Variants in PLA2G5 observed in about 807,000 individuals in gnomAD.
PLA2G5 encodes phospholipase A2 group V.
In PLA2G5, 12 loss-of-function variants were observed where a neutral mutation model predicts 15.9. That is an observed-to-expected ratio of 0.76 (90% CI 0.48 to 1.23). The LOEUF (loss-of-function observed/expected upper bound fraction) is 1.23. Among genes scored for constraint, PLA2G5 ranks in the 50% most tolerant of loss-of-function variants. PLA2G5 has a pLI of 0.00. For synonymous variants in PLA2G5, 71 were observed against 71.4 expected (o/e 0.99, Z 0.03); for missense variants, 169 against 177.1 (o/e 0.95, Z 0.26).
chr1:20,029,764 G>C (rs749317727), intron 1 of PLA2G5, among the ~76,000 whole-genome samples: 4 of 152,212 alleles, frequency 2.6e-5, no homozygotes, highest in Non-Finnish European at 5.9e-5. Flanking sequence ...GTGCGGAGGA[G>C]GAGGAAATAG....
intron 1 of PLA2G5, among the ~76,000 whole-genome samples, chr1:20,037,645 T>C (rs1185305384): frequency 6.6e-6 from 1 of 152,184 alleles, no homozygotes; most frequent in Non-Finnish European, 1.5e-5. Context: ...AGCAGGGTTG[T>C]TCTGTTATGA....
At chr1:20,042,226 T>G (rs1053420503) in intron 1 of PLA2G5, among the ~76,000 whole-genome samples, 64 of 152,158 alleles carry the variant, frequency 4.2e-4, no homozygotes, top group African/African-American at 1.5e-3. Context: ...TGAAAGATAC[T>G]ATAGCATAAC....
At position 20,047,730 on chromosome 1, in the gene PLA2G5, G is replaced by A. The variant is rs1402878675; in HGVS notation, n.277-11902G>A. Among the ~76,000 whole-genome samples, 6 of 150,074 alleles carry A rather than the reference G, an allele frequency of 4.0e-5. No homozygotes were observed. The Admixed American group carries it at 4.0e-4, about 10-fold the overall frequency. On this transcript the variant is annotated intron_variant and non_coding_transcript_variant, in intron 1 of 6. Transcript: ENST00000460175. ...AGCTATAGGATCTTTGTGTGTGTGT[G>A]TGTGTGTGTGTGTGTGTGTGTGTGT... is the stretch of plus-strand genomic sequence containing the variant.
intron 1 of PLA2G5, among the ~76,000 whole-genome samples, chr1:20,035,819 T>C (rs1210117295): frequency 6.6e-6 from 1 of 152,212 alleles, no homozygotes; most frequent in Non-Finnish European, 1.5e-5. Context: ...ATTGTGTTAC[T>C]GTTTTATAGG....
chr1:20,040,958 A>T (rs560924724), intron 1 of PLA2G5, among the ~76,000 whole-genome samples: 1 of 152,178 alleles, frequency 6.6e-6, no homozygotes, highest in East Asian at 1.9e-4. Context: ...TTCATCTTAC[A>T]TGTGTTGATT....
intron 1 of PLA2G5, among the ~76,000 whole-genome samples, chr1:20,031,270 G>A (rs1450669839): frequency 6.6e-6 from 1 of 152,196 alleles, no homozygotes; most frequent in South Asian, 2.1e-4. Context: ...AGCTGGATTT[G>A]TGTGGACAAA....
chr1:20,090,277 C>T (rs1423449370), intron 4 of PLA2G5, among the ~76,000 whole-genome samples: 1 of 152,142 alleles, frequency 6.6e-6, no homozygotes, highest in East Asian at 1.9e-4. Context: ...AATGAGAGTT[C>T]CTCCAGAGCA....
chr1:20,089,241 G>A (rs2016443822), intron 3 of PLA2G5, among the ~76,000 whole-genome samples: 2 of 152,188 alleles, frequency 1.3e-5, no homozygotes, highest in South Asian at 4.1e-4. Flanking sequence ...CAAGAAAATA[G>A]GCCTGCTTAC....
At chr1:20,066,921 T>C (rs1157727869), upstream of PLA2G5, among the ~76,000 whole-genome samples, 2 of 152,146 alleles carry the variant, frequency 1.3e-5, no homozygotes, top group African/African-American at 2.4e-5. Context: ...TGGCAGGATC[T>C]TTTGAGCTGA....
At chr1:20,062,937 G>C (rs1407846567) in intron 2 of PLA2G5, among the ~76,000 whole-genome samples, 1 of 152,170 alleles carries the variant, frequency 6.6e-6, no homozygotes, top group Non-Finnish European at 1.5e-5. Context: ...ATCTCTGAGA[G>C]ATCTGTGGCC....
At chr1:20,079,885 C>T (rs2015910630) in intron 1 of PLA2G5, among the ~76,000 whole-genome samples, 1 of 152,118 alleles carries the variant, frequency 6.6e-6, no homozygotes, top group Non-Finnish European at 1.5e-5. Flanking sequence ...AGCACAGAGT[C>T]AGGTGCCAAA....
intron 1 of PLA2G5, among the ~76,000 whole-genome samples, chr1:20,029,467 T>C (rs971607672): frequency 2.6e-5 from 4 of 152,186 alleles, no homozygotes; most frequent in Non-Finnish European, 4.4e-5. Flanking sequence ...CTGCTCCTCT[T>C]GACGTGCAGC....
chr1:20,077,034 A>G (rs1227142817), intron 1 of PLA2G5: 1 of 152,266 alleles, frequency 6.6e-6, no homozygotes, highest in Non-Finnish European at 1.5e-5. Context: ...GCGAGCCTGC[A>G]TGTGATAGAC....
intron 1 of PLA2G5, among the ~76,000 whole-genome samples, chr1:20,038,610 C>A (rs1350513219): frequency 6.6e-6 from 1 of 152,074 alleles, no homozygotes; most frequent in Non-Finnish European, 1.5e-5. Flanking sequence ...TAACAAGACC[C>A]CATCTCTACA....
At chr1:20,050,282 A>C (rs2014119296) in intron 1 of PLA2G5, among the ~76,000 whole-genome samples, 1 of 152,210 alleles carries the variant, frequency 6.6e-6, no homozygotes, top group South Asian at 2.1e-4. Flanking sequence ...TTAAAGCCTC[A>C]TCTTCAGGCC....
intron 1 of PLA2G5, among the ~76,000 whole-genome samples, chr1:20,076,606 T>C (rs1462573643): frequency 6.6e-6 from 1 of 152,190 alleles, no homozygotes; most frequent in East Asian, 1.9e-4. Flanking sequence ...TGCTTACACG[T>C]TGGGATCATA....
At chr1:20,079,570 G>A (rs1239696424) in intron 1 of PLA2G5, among the ~76,000 whole-genome samples, 2 of 152,130 alleles carry the variant, frequency 1.3e-5, no homozygotes, top group Non-Finnish European at 2.9e-5. Flanking sequence ...GAGTGCAGTG[G>A]TGCAATCACA....
intron 1 of PLA2G5, among the ~76,000 whole-genome samples, chr1:20,056,126 C>T (rs188211876): frequency 2.9e-4 from 44 of 152,230 alleles, no homozygotes; most frequent in African/African-American, 9.4e-4. Context: ...TTTAGAGCTG[C>T]GAGGTTCAAA....
At chr1:20,050,932 G>A (rs2100404490) in intron 1 of PLA2G5, among the ~76,000 whole-genome samples, 1 of 152,204 alleles carries the variant, frequency 6.6e-6, no homozygotes, top group South Asian at 2.1e-4. Context: ...AAATTATACA[G>A]GAAATATTGT....
Sources: gnomAD v4.1 joint callset for allele counts (sites outside exome capture counted in the v4.1 genomes callset) on GRCh38, gnomAD v4.1.1 for gene constraint, MANE v1.5 for transcripts, NCBI Gene and HGNC (gene_info 2026-07-23, HGNC 2026-07-21) for gene names.